Variants in SNTG2 observed in about 807,000 individuals in gnomAD.
The protein encoded by SNTG2 is gamma-2-syntrophin.
A neutral mutation model predicts 70.9 loss-of-function variants in SNTG2; 74 were observed. The observed-to-expected ratio is 1.04, with a 90% CI of 0.86 to 1.27. The LOEUF (loss-of-function observed/expected upper bound fraction) is 1.27, where lower values mean the gene tolerates loss of function less well. Ranked by LOEUF, SNTG2 falls within the 50% of genes most tolerant of loss-of-function variation. The probability of loss-of-function intolerance (pLI) is 0.00; values close to 1 mark genes in which losing one functional copy is unlikely to be tolerated. For missense variants in SNTG2, 717 were observed against 690.7 expected (o/e 1.04, Z -0.43); for synonymous variants, 278 against 273.8 (o/e 1.02, Z -0.15).
chr2:985,038 T>C (rs895068776), intron 1 of SNTG2, among the ~76,000 whole-genome samples: 59 of 152,198 alleles, frequency 3.9e-4, no homozygotes, highest in African/African-American at 1.3e-3. Flanking sequence ...GTCCATTTTT[T>C]TCCCCAAAAA....
At chr2:1,157,671 A>C (rs1431325770) in intron 6 of SNTG2, among the ~76,000 whole-genome samples, 1 of 152,254 alleles carries the variant, frequency 6.6e-6, no homozygotes, top group African/African-American at 2.4e-5. Context: ...TTTAAGCAGA[A>C]ATGAGTTAAG....
intron 6 of SNTG2, among the ~76,000 whole-genome samples, chr2:1,161,931 A>G (rs1029550344): frequency 2.0e-4 from 30 of 152,118 alleles, no homozygotes; most frequent in East Asian, 3.9e-4. Flanking sequence ...AAAATTAGCC[A>G]GGCGAGATGG....
At chr2:1,307,901 C>T (rs1290828049) in intron 14 of SNTG2, among the ~76,000 whole-genome samples, 1 of 152,234 alleles carries the variant, frequency 6.6e-6, no homozygotes, top group African/African-American at 2.4e-5. Flanking sequence ...CCGCCCTCCG[C>T]ACAAACCACC....
chr2:964,039 G>T (rs1660445909), intron 1 of SNTG2, among the ~76,000 whole-genome samples: 2 of 152,144 alleles, frequency 1.3e-5, no homozygotes, highest in African/African-American at 4.8e-5. Context: ...GTCACAGTGT[G>T]TGCTGCTCTC....
chr2:1,245,576 T>C (rs1259107421), intron 11 of SNTG2, among the ~76,000 whole-genome samples: 1 of 152,244 alleles, frequency 6.6e-6, no homozygotes, highest in Non-Finnish European at 1.5e-5. Flanking sequence ...ATGTTAATTA[T>C]GGAAACATCA....
chr2:1,083,703 C>T (rs1664498325), intron 2 of SNTG2, 48 bp downstream of exon 2: 3 of 1,603,526 alleles, frequency 1.9e-6, no homozygotes, highest in Admixed American at 3.4e-5. Context: ...CGGACGAGCC[C>T]CATGAACGGT....
intron 6 of SNTG2, among the ~76,000 whole-genome samples, chr2:1,141,599 G>C (rs1489299728): frequency 1.3e-5 from 2 of 152,170 alleles, no homozygotes; most frequent in Non-Finnish European, 2.9e-5. Flanking sequence ...CGAAAGAAAT[G>C]GAATAAAATT....
chr2:1,183,680 C>G (rs1021289746), intron 8 of SNTG2, among the ~76,000 whole-genome samples: 6 of 152,074 alleles, frequency 3.9e-5, no homozygotes, highest in Non-Finnish European at 8.8e-5. Flanking sequence ...TGTGTGTACA[C>G]ATATAAAACA....
intron 1 of SNTG2, among the ~76,000 whole-genome samples, chr2:1,015,146 G>A (rs1377790092): frequency 6.6e-6 from 1 of 152,148 alleles, no homozygotes. Context: ...AGACTGGAGC[G>A]GGAGCAGGTA....
intron 6 of SNTG2, among the ~76,000 whole-genome samples, chr2:1,150,505 G>T (rs1669407199): frequency 6.6e-6 from 1 of 152,184 alleles, no homozygotes; most frequent in Admixed American, 6.5e-5. Context: ...TTCCCTGGGG[G>T]CTTGGTGTGC....
At chr2:1,226,969 C>T (rs1572798048) in intron 9 of SNTG2, among the ~76,000 whole-genome samples, 1 of 152,204 alleles carries the variant, frequency 6.6e-6, no homozygotes, top group Admixed American at 6.5e-5. Flanking sequence ...CTTCACAGCA[C>T]CTGTAACAGG....
chr2:1,035,402 T>A (rs929393154), intron 1 of SNTG2, among the ~76,000 whole-genome samples: 4 of 152,182 alleles, frequency 2.6e-5, no homozygotes, highest in African/African-American at 9.7e-5. Context: ...TTATAAAATG[T>A]ATTGAGGGTT....
At chr2:1,159,114 T>G (rs6731159) in intron 6 of SNTG2, among the ~76,000 whole-genome samples, 135 of 12,530 alleles carry the variant, frequency 0.011, no homozygotes, top group Middle Eastern at 0.045. Context: ...ACCTGTGTGT[T>G]CGTGTGTGTG....
At chr2:1,181,011 G>T (rs141903930) in intron 8 of SNTG2, among the ~76,000 whole-genome samples, 1,963 of 152,178 alleles carry the variant, frequency 0.013, 44 homozygotes, top group African/African-American at 0.045. Context: ...GGTGGGAATT[G>T]AACAATGAGA....
intron 16 of SNTG2, among the ~76,000 whole-genome samples, chr2:1,347,371 A>G (rs978477663): frequency 1.2e-4 from 19 of 152,106 alleles, no homozygotes; most frequent in African/African-American, 4.3e-4. Flanking sequence ...AGCCCATGAA[A>G]ACCAAGGAGC....
intron 16 of SNTG2, among the ~76,000 whole-genome samples, chr2:1,330,532 G>T (rs1189862037): frequency 1.3e-5 from 2 of 152,144 alleles, no homozygotes; most frequent in Non-Finnish European, 2.9e-5. Flanking sequence ...CGTTCACAAG[G>T]ATGTCTTGAG....
chr2:1,269,996 C>T (rs36163679), intron 14 of SNTG2, among the ~76,000 whole-genome samples: 46,447 of 151,880 alleles, frequency 0.31, 8,005 homozygotes, highest in African/African-American at 0.47. Flanking sequence ...ACTGACTTGC[C>T]GGATCTTCAC....
chr2:1,247,797 A>G (rs955303275), intron 12 of SNTG2, among the ~76,000 whole-genome samples: 1 of 152,176 alleles, frequency 6.6e-6, no homozygotes, highest in South Asian at 2.1e-4. Flanking sequence ...CCCTCTTTTT[A>G]GACGTTTCCA....
intron 9 of SNTG2, among the ~76,000 whole-genome samples, chr2:1,223,249 T>C (rs1309147740): frequency 1.6e-5 from 2 of 127,878 alleles, no homozygotes; most frequent in Non-Finnish European, 3.4e-5. Context: ...TGGATCGCTG[T>C]AGAGGAAAGT....
Sources: allele counts gnomAD v4.1 joint callset (sites outside exome capture counted in the v4.1 genomes callset), GRCh38; gene constraint gnomAD v4.1.1; transcripts MANE v1.5; gene names NCBI Gene and HGNC (gene_info 2026-07-23, HGNC 2026-07-21).